COL22A1: variants seen among roughly 807,000 people sequenced by gnomAD.
The protein encoded by COL22A1 is collagen alpha-1(XXII) chain.
In COL22A1, 221 loss-of-function variants were observed where a neutral mutation model predicts 248.9. The ratio of observed to expected loss-of-function variants is 0.89; its 90% CI spans 0.80 to 0.99. COL22A1 has a LOEUF of 0.99. Among genes scored for constraint, COL22A1 ranks in the 50% least tolerant of loss-of-function variants. The probability of loss-of-function intolerance (pLI) is 0.00; values close to 1 mark genes in which losing one functional copy is unlikely to be tolerated. For missense variants in COL22A1, 2,240 were observed against 2,179.0 expected (o/e 1.03, Z -0.56); for synonymous variants, 891 against 793.4 (o/e 1.12, Z -2.07).
At chr8:138,781,199 T>C (rs954948909) in intron 12 of COL22A1, among the ~76,000 whole-genome samples, 9 of 152,196 alleles carry the variant, frequency 5.9e-5, no homozygotes, top group Admixed American at 5.2e-4. Flanking sequence ...GTCCATGTCA[T>C]AGCCACATAC....
chr8:138,654,438 G>A (rs1047270553), intron 45 of COL22A1, among the ~76,000 whole-genome samples: 13 of 152,104 alleles, frequency 8.5e-5, no homozygotes, highest in African/African-American at 3.1e-4. Flanking sequence ...GAGATTGAAC[G>A]CCCCAGACTT....
intron 59 of COL22A1, among the ~76,000 whole-genome samples, chr8:138,603,055 T>C (rs1006013044): frequency 2.0e-5 from 3 of 152,222 alleles, no homozygotes; most frequent in Admixed American, 1.3e-4. Context: ...TGATAGACTC[T>C]ACATTGATTA....
intron 1 of COL22A1, among the ~76,000 whole-genome samples, chr8:138,899,863 C>T (rs1814413575): frequency 6.6e-6 from 1 of 152,138 alleles, no homozygotes; most frequent in African/African-American, 2.4e-5. Context: ...ATCATGATCC[C>T]TGACACTTAC....
At chr8:138,597,160 C>T (rs916076870) in intron 61 of COL22A1, among the ~76,000 whole-genome samples, 190 bp from the exon 62 acceptor site, 1 of 152,190 alleles carries the variant, frequency 6.6e-6, no homozygotes, top group Non-Finnish European at 1.5e-5. Context: ...CAGCATCATC[C>T]CATTTTACAC....
At chr8:138,599,408 G>A (rs1365985694) in intron 60 of COL22A1, among the ~76,000 whole-genome samples, 1 of 152,184 alleles carries the variant, frequency 6.6e-6, no homozygotes. Flanking sequence ...GAACCCGGGA[G>A]GCGGAGGTTG....
At chr8:138,704,522 G>A (rs1160608969) in intron 30 of COL22A1, among the ~76,000 whole-genome samples, 1 of 151,886 alleles carries the variant, frequency 6.6e-6, no homozygotes, top group East Asian at 2.0e-4. Context: ...AGCGTCTGGA[G>A]TGGACCTCCA....
intron 1 of COL22A1, among the ~76,000 whole-genome samples, chr8:138,900,048 C>T (rs1374808099): frequency 6.6e-6 from 1 of 152,198 alleles, no homozygotes; most frequent in East Asian, 1.9e-4. Context: ...TTTATTTCTT[C>T]AGAAGGGGCT....
In COL22A1 at chr8:138,755,485, T is replaced by C. The variant is rs143045428; in HGVS notation, c.1974A>G (p.Glu658=). The change falls in exon 20 of 65, where the codon GAA becomes GAG. Residue 658 remains glutamate (E), a synonymous_variant. Coordinates refer to ENST00000303045, the MANE Select transcript of COL22A1 (RefSeq NM_152888.3). ...SVVQQEGLKG[E]QGAPGPRGHQ... ...AGAAGACGCGTGTGCCTCTTACCTG[T>C]TCCCCTTTCAAGCCCTCTTGCTGCA... 1.6e-5 allele frequency: 26 copies of C among 1,613,810 alleles called. No individual in the cohort carries two copies. The African/African-American group carries it at 3.1e-4, about 19-fold the overall frequency.
chr8:138,620,141 C>G (rs1819662582), intron 52 of COL22A1: 1 of 152,456 alleles, frequency 6.6e-6, no homozygotes, highest in Admixed American at 6.5e-5. Context: ...AGAACCAAAC[C>G]AGGAACAGAA....
intron 47 of COL22A1, among the ~76,000 whole-genome samples, chr8:138,643,145 C>T (rs377124609): frequency 9.9e-5 from 15 of 152,198 alleles, no homozygotes; most frequent in African/African-American, 3.6e-4. Flanking sequence ...GGGCAAGAAG[C>T]TTGGCCTCAG....
chr8:138,908,899 A>G (rs1182382003), intron 1 of COL22A1, among the ~76,000 whole-genome samples: 2 of 152,212 alleles, frequency 1.3e-5, no homozygotes, highest in Non-Finnish European at 2.9e-5. Flanking sequence ...CCAGACATCC[A>G]ACAATGCACT....
chr8:138,833,517 G>T (rs151137545), intron 4 of COL22A1, among the ~76,000 whole-genome samples: 122 of 152,334 alleles, frequency 8.0e-4, no homozygotes, highest in African/African-American at 2.7e-3. Flanking sequence ...GGCTGGCTCT[G>T]CAGGCGAACG....
In COL22A1 at chr8:138,807,770, T is replaced by G; in HGVS notation, c.1492A>C (p.Lys498Gln). The change falls in exon 10 of 65, where the codon AAG becomes CAG. Residue 498 changes from lysine to glutamine, a missense_variant and splice_region_variant. Transcript: ENST00000303045. ...VAGPMGLPGP[K>Q]GDIGAIGPVG... ...ACCTCTGCCATGCCTGTACTGACCT[T>G]TGGACCAGGGAGCCCCATGGGGCCA... 6.2e-7 allele frequency: 1 copy of G among 1,613,992 alleles called. No homozygotes were observed. Among genetic ancestry groups the G allele is most frequent in the Non-Finnish European group, 8.5e-7 (1 of 1,179,898 alleles).
intron 56 of COL22A1, among the ~76,000 whole-genome samples, chr8:138,610,613 A>G (rs549447869): frequency 1.8e-4 from 28 of 152,252 alleles, no homozygotes; most frequent in Non-Finnish European, 2.5e-4. Flanking sequence ...GAGAATTGAT[A>G]GGAGCAAGCT....
Position 138,877,734 on chromosome 8 carries a change from G to T in COL22A1, c.658+16C>A, listed in dbSNP as rs1315645079. On this transcript the variant is annotated intron_variant, in intron 3 of 64. Transcript: ENST00000303045. Reference sequence around the variant, plus strand: ...TCACTCTTGGGAGGGGCCGCATGGGGCCCGGGCGCACTCACTTTCACAAAG... The same window carrying T: ...TCACTCTTGGGAGGGGCCGCATGGGTCCCGGGCGCACTCACTTTCACAAAG... 1 of 1,559,186 alleles carries T rather than the reference G, an allele frequency of 6.4e-7. No homozygotes were observed.
chr8:138,806,568 T>A lies in COL22A1; in HGVS notation c.1494+1200A>T, dbSNP rs192710468. ...AAGGTGGACAGGAAGAAAGCATCGCTCAGGCGAGTCATTTCACCATTTCGG... is the reference window on the plus strand; with the variant it reads ...AAGGTGGACAGGAAGAAAGCATCGCACAGGCGAGTCATTTCACCATTTCGG... On this transcript the variant is annotated intron_variant, in intron 10 of 64. Transcript: ENST00000303045. 2.6e-5 allele frequency among the ~76,000 whole-genome samples: 4 copies of A among 152,224 alleles called. No individual in the cohort carries two copies. In the East Asian group the frequency reaches 7.7e-4, roughly 29 times the overall value.
At chr8:138,631,278 C>T (rs1820701245) in intron 49 of COL22A1, among the ~76,000 whole-genome samples, 1 of 152,178 alleles carries the variant, frequency 6.6e-6, no homozygotes, top group Non-Finnish European at 1.5e-5. Context: ...TTCCTAGCTT[C>T]CTGAACCATA....
chr8:138,671,977 T>C (rs988777445), intron 41 of COL22A1, among the ~76,000 whole-genome samples: 3 of 152,230 alleles, frequency 2.0e-5, no homozygotes, highest in Non-Finnish European at 2.9e-5. Flanking sequence ...GCTTCCAGTC[T>C]ACAGTAGGCT....
chr8:138,869,871 C>T (rs1823185269), intron 3 of COL22A1, among the ~76,000 whole-genome samples: 1 of 152,072 alleles, frequency 6.6e-6, no homozygotes. Flanking sequence ...TTCGGGTCCA[C>T]CCAGAGGGAA....
Sources: allele counts gnomAD v4.1 joint callset (sites outside exome capture counted in the v4.1 genomes callset), GRCh38; gene constraint gnomAD v4.1.1; transcripts MANE v1.5; gene names NCBI Gene and HGNC (gene_info 2026-07-23, HGNC 2026-07-21).